Variants in ZNF75D observed in about 807,000 individuals in gnomAD.
The protein encoded by ZNF75D is zinc finger protein 75.
Under a neutral mutation model 33.3 loss-of-function variants are expected in ZNF75D, and 33 were observed. The observed-to-expected ratio is 0.99, with a 90% CI of 0.75 to 1.32. The LOEUF is 1.32. ZNF75D is among the 40% of genes most tolerant of loss of function. The probability of loss-of-function intolerance (pLI) is 0.00; values close to 1 mark genes in which losing one functional copy is unlikely to be tolerated. For missense variants in ZNF75D, 338 were observed against 367.5 expected (o/e 0.92, Z 0.66); for synonymous variants, 113 against 130.6 (o/e 0.87, Z 0.92).
intron 1 of ZNF75D, among the ~76,000 whole-genome samples, chrX:135,340,817 A>T (rs1556444526): frequency 8.9e-6 from 1 of 112,090 alleles, no homozygotes; most frequent in Non-Finnish European, 1.9e-5. Flanking sequence ...AACCCCAAAA[A>T]GTTTTGTAAT....
At chrX:135,318,221 C>G (rs905990573) in intron 1 of ZNF75D, among the ~76,000 whole-genome samples, 3 of 108,452 alleles carry the variant, frequency 2.8e-5, no homozygotes, top group Non-Finnish European at 5.7e-5. Context: ...AGATGCATAT[C>G]CTGCCATAGT....
downstream of ZNF75D, among the ~76,000 whole-genome samples, chrX:135,284,249 G>A (rs1556418981): frequency 2.7e-5 from 3 of 112,281 alleles, no homozygotes; most frequent in Non-Finnish European, 5.6e-5. Context: ...TGGAGCTCAT[G>A]TCTATTAGCC....
rs151040122 is a variant in ZNF75D, at chrX:135,275,480, G to A, written n.828-19703C>T. Among the ~76,000 whole-genome samples, 733 of 111,334 alleles carry A rather than the reference G, an allele frequency of 6.6e-3. 6 individuals are homozygous for A. The highest frequency in any genetic ancestry group is 0.011 in the Non-Finnish European group (566 of 53,033). On this transcript the variant is annotated intron_variant and non_coding_transcript_variant, in intron 1 of 3. Coordinates refer to the ZNF75D transcript ENST00000494295. ...GTCTATCAGGAATAAAACATTCATT[G>A]TGTGGTTTTTTTGGGTCCCTGCATA...
intron 6 of ZNF75D, among the ~76,000 whole-genome samples, chrX:135,290,123 A>G (rs1163551215): frequency 2.2e-4 from 25 of 112,261 alleles, no homozygotes; most frequent in African/African-American, 7.1e-4. Flanking sequence ...ATTTATTCAA[A>G]CATTCATATA....
In ZNF75D at chrX:135,292,573, A is replaced by G. The variant is rs1217264294; in HGVS notation, c.412-100T>C. 4.5e-6 allele frequency: 3 copies of G among 661,572 alleles called. No individual in the cohort carries two copies. In the African/African-American group the frequency reaches 6.6e-5, roughly 15 times the overall value. 54.5% of individuals were successfully genotyped at this position (661,572 alleles called of 1,213,427 possible). A position where few individuals can be genotyped will look rare whatever the true frequency, so the allele number is the denominator to read the frequency against. ...AGCAGAGCCCAGATTTGGGGAATGC[A>G]TGACATTAGAGAAGTAATAAAAAGA... On this transcript the variant is annotated intron_variant, in intron 3 of 6. Coordinates refer to ENST00000370766, the MANE Select transcript of ZNF75D (RefSeq NM_007131.5).
rs782261320 is a variant in ZNF75D at position 135,287,124 on chromosome X, A to G, written c.*13T>C. ...CACCACTTCTAAAGTCAAGCTCTAC[A>G]TGGTAACTTTCCTCAGTTTGGAGAC... On this transcript the variant is annotated 3_prime_UTR_variant, in exon 7 of 7. Coordinates refer to ENST00000370766, the MANE Select transcript of ZNF75D (RefSeq NM_007131.5). 9.4e-6 allele frequency: 11 copies of G among 1,173,341 alleles called. No homozygotes were observed. Among genetic ancestry groups the G allele is most frequent in the African/African-American group, 1.8e-5 (1 of 55,335 alleles).
downstream of ZNF75D, among the ~76,000 whole-genome samples, chrX:135,281,714 G>T (rs1404678415): frequency 8.9e-6 from 1 of 112,164 alleles, no homozygotes; most frequent in African/African-American, 3.2e-5. Flanking sequence ...ATTCCTTTCT[G>T]TTTGTTAGTT....
At chrX:135,293,675 G>T in intron 3 of ZNF75D, 55 bp downstream of exon 3, 1 of 1,078,556 alleles carries the variant, frequency 9.3e-7, no homozygotes, top group Non-Finnish European at 1.2e-6. Context: ...CCTCCATTCT[G>T]ATATATCCAC....
rs1556421965 is a variant in ZNF75D at position 135,293,862 on chromosome X, C to T, written c.279G>A (p.Val93=). The T allele has an allele frequency of 1.8e-5, 22 of 1,211,718 alleles. No individual in the cohort carries two copies. Among genetic ancestry groups the T allele is most frequent in the Non-Finnish European group, 2.5e-5 (22 of 895,247 alleles). ...GCAGAATGCTCAGGAACTGCTCTAA[C>T]ACCAGCATTTCCAAGATCTGCTCTT... The part of the protein sequence containing the change: ...HSKEQILEML[V]LEQFLSILPK... Residue 93 remains valine, a synonymous_variant, in exon 3 of 7, where the codon GTG becomes GTA. Coordinates refer to ENST00000370766, the MANE Select transcript of ZNF75D (RefSeq NM_007131.5).
In ZNF75D at chrX:135,294,726, A is replaced by T. The variant is rs782625985; in HGVS notation, c.-118-468T>A. Among the ~76,000 whole-genome samples, 129 of 111,847 alleles carry T rather than the reference A, an allele frequency of 1.2e-3. 1 individual carries two copies. Among genetic ancestry groups the T allele is most frequent in the Non-Finnish European group, 2.6e-4 (14 of 53,215 alleles). On this transcript the variant is annotated intron_variant, in intron 2 of 6. Transcript: ENST00000370766. ...GTTTCTATATCCCTTCATCTCATTT[A>T]GATTGAAGCCTTTTACTAAATGGAA...
intron 1 of ZNF75D, among the ~76,000 whole-genome samples, chrX:135,311,934 G>C (rs1458740730): frequency 8.9e-6 from 1 of 111,844 alleles, no homozygotes; most frequent in East Asian, 2.8e-4. Context: ...ACTATGTAAT[G>C]ATCAAGTAAG....
chrX:135,258,282 A>G (rs2083818368), intron 1 of ZNF75D, among the ~76,000 whole-genome samples: 1 of 109,755 alleles, frequency 9.1e-6, no homozygotes, highest in Non-Finnish European at 1.9e-5. Context: ...TTATAGTAGC[A>G]TGATTTATAA....
intron 1 of ZNF75D, among the ~76,000 whole-genome samples, chrX:135,258,843 G>A (rs1008486921): frequency 2.9e-4 from 33 of 111,897 alleles, no homozygotes; most frequent in African/African-American, 7.8e-4. Flanking sequence ...CATTGCTTTC[G>A]ATGTTTTAGT....
chrX:135,257,156 G>A (rs2083806813), intron 1 of ZNF75D, among the ~76,000 whole-genome samples: 1 of 112,544 alleles, frequency 8.9e-6, no homozygotes, highest in African/African-American at 3.2e-5. Flanking sequence ...AAAGTAAAGG[G>A]GACTTTGTAT....
At chrX:135,309,506 T>C (rs967452657) in intron 1 of ZNF75D, 4 of 295,091 alleles carry the variant, frequency 1.4e-5, no homozygotes, top group Non-Finnish European at 2.4e-5. Flanking sequence ...CTAAAGCCAG[T>C]CCCAGTGAGC....
intron 1 of ZNF75D, among the ~76,000 whole-genome samples, chrX:135,277,084 T>C (rs1328231585): frequency 8.9e-6 from 1 of 112,309 alleles, no homozygotes; most frequent in African/African-American, 3.2e-5. Flanking sequence ...TCCACAATGG[T>C]TGAACTAATT....
chrX:135,308,759 GGAAACTCA>G (rs1332467953), intron 1 of ZNF75D, among the ~76,000 whole-genome samples: 1 of 111,827 alleles, frequency 8.9e-6, no homozygotes, highest in Non-Finnish European at 1.9e-5. Context: ...TTCCCAGGAT[GGAAACTCA>G]GAAGGATGGG....
chrX:135,282,667 A>G (rs2083924526), downstream of ZNF75D, among the ~76,000 whole-genome samples: 1 of 111,495 alleles, frequency 9.0e-6, no homozygotes, highest in Non-Finnish European at 1.9e-5. Flanking sequence ...TACCATGGGA[A>G]AAGTGTAGTA....
intron 1 of ZNF75D, among the ~76,000 whole-genome samples, chrX:135,260,087 G>T (rs1417312448): frequency 1.8e-5 from 2 of 112,040 alleles, no homozygotes; most frequent in Non-Finnish European, 3.8e-5. Flanking sequence ...TTTATGTGAT[G>T]AATTACATTT....
Sources: gnomAD v4.1 joint callset for allele counts (sites outside exome capture counted in the v4.1 genomes callset) on GRCh38, gnomAD v4.1.1 for gene constraint, MANE v1.5 for transcripts, NCBI Gene and HGNC (gene_info 2026-07-23, HGNC 2026-07-21) for gene names.